The following FGF14 variants were observed in gnomAD, a reference collection of about 807,000 sequenced individuals.
FGF14 encodes fibroblast growth factor 14.
A neutral mutation model predicts 25.5 loss-of-function variants in FGF14; 5 were observed. The ratio of observed to expected loss-of-function variants is 0.20; its 90% CI spans 0.10 to 0.41. The LOEUF is 0.41. Ranked by LOEUF, FGF14 falls within the 10% of genes least tolerant of loss-of-function variation. The pLI is 1.00. For synonymous variants in FGF14, 138 were observed against 118.3 expected (o/e 1.17, Z -1.08); for missense variants, 222 against 320.1 (o/e 0.69, Z 2.34).
chr13:102,158,157 A>C (rs893743500), intron 1 of FGF14, among the ~76,000 whole-genome samples: 45 of 152,184 alleles, frequency 3.0e-4, no homozygotes, highest in African/African-American at 8.7e-4. Context: ...TTGACCCAGC[A>C]ATCCCTTACT....
intron 1 of FGF14, among the ~76,000 whole-genome samples, chr13:102,001,942 C>G (rs2039520234): frequency 6.6e-6 from 1 of 152,170 alleles, no homozygotes; most frequent in Admixed American, 6.5e-5. Flanking sequence ...ATCTACACCT[C>G]CTGGGACCAT....
chr13:101,854,992 C>A (rs1440597527), intron 3 of FGF14, among the ~76,000 whole-genome samples: 2 of 151,890 alleles, frequency 1.3e-5, no homozygotes, highest in Admixed American at 1.3e-4. Context: ...GTACCCTTCC[C>A]ATTGTGTAGG....
At chr13:101,734,066 T>C (rs1272514980) in intron 3 of FGF14, among the ~76,000 whole-genome samples, 2 of 152,008 alleles carry the variant, frequency 1.3e-5, no homozygotes, top group African/African-American at 4.8e-5. Context: ...ACATTTAAAA[T>C]GTGGTATTCA....
intron 1 of FGF14, among the ~76,000 whole-genome samples, chr13:102,187,985 G>A (rs1244481035): frequency 4.6e-5 from 7 of 152,274 alleles, no homozygotes; most frequent in Non-Finnish European, 7.4e-5. Context: ...CACCTAAGAA[G>A]CTGATTTATT....
intron 1 of FGF14, among the ~76,000 whole-genome samples, chr13:102,308,220 G>C (rs550912295): frequency 1.9e-4 from 29 of 152,096 alleles, no homozygotes; most frequent in Non-Finnish European, 3.7e-4. Flanking sequence ...ATTGGCAGAG[G>C]GTGGGCTGCA....
At chr13:102,219,020 T>A (rs1434577303) in intron 1 of FGF14, among the ~76,000 whole-genome samples, 1 of 152,200 alleles carries the variant, frequency 6.6e-6, no homozygotes, top group African/African-American at 2.4e-5. Context: ...AATAATCACA[T>A]ATCACATCAG....
At chr13:101,981,040 C>T (rs2038218297) in intron 1 of FGF14, among the ~76,000 whole-genome samples, 1 of 149,994 alleles carries the variant, frequency 6.7e-6, no homozygotes, top group Admixed American at 6.7e-5. Context: ...TCAGGAGTTT[C>T]AGACCAGCCT....
At chr13:102,243,750 A>G (rs2051722244) in intron 1 of FGF14, among the ~76,000 whole-genome samples, 1 of 150,956 alleles carries the variant, frequency 6.6e-6, no homozygotes, top group African/African-American at 2.4e-5. Flanking sequence ...ATAAGTGTTT[A>G]GCCTGGTAAC....
chr13:102,114,935 T>C (rs116476167), intron 1 of FGF14, among the ~76,000 whole-genome samples: 2,248 of 152,202 alleles, frequency 0.015, 48 homozygotes, highest in African/African-American at 0.049. Flanking sequence ...TAATTATATA[T>C]TGAACACTCA....
At chr13:102,286,514 A>G (rs1199338841) in intron 1 of FGF14, among the ~76,000 whole-genome samples, 2 of 152,224 alleles carry the variant, frequency 1.3e-5, no homozygotes, top group Non-Finnish European at 2.9e-5. Context: ...ATGTAGTATT[A>G]CTTCTCTCTA....
Position 102,161,570 on chromosome 13 carries a change from A to AAGAAGAAGAAAGAAG in FGF14, c.208+239900_208+239901insCTTCTTTCTTCTTCT. On this transcript the variant is annotated intron_variant, in intron 1 of 4. Coordinates refer to the FGF14 transcript ENST00000376131. ...TCTATGCAACCAACTTTCTGTGAAG[A>AAGAAGAAGAAAGAAG]AAGAAAGAAGAAGAAGAAGAAGAAG... Among the ~76,000 whole-genome samples the AAGAAGAAGAAAGAAG allele has an allele frequency of 8.8e-4, 5 of 5,652 alleles. 2 individuals carry two copies. Among genetic ancestry groups the AAGAAGAAGAAAGAAG allele is most frequent in the South Asian group, 0.016 (2 of 124 alleles). 3.7% of individuals were successfully genotyped at this position (5,652 alleles called of 152,430 possible). A position where few individuals can be genotyped will look rare whatever the true frequency, so the allele number is the denominator to read the frequency against.
intron 1 of FGF14, among the ~76,000 whole-genome samples, chr13:102,340,021 G>C (rs1416001051): frequency 6.6e-6 from 1 of 152,128 alleles, no homozygotes; most frequent in East Asian, 1.9e-4. Context: ...CTAGTGTTTG[G>C]ATAAGAGATT....
At chr13:102,049,123 T>A (rs182145261) in intron 1 of FGF14, among the ~76,000 whole-genome samples, 94 of 150,172 alleles carry the variant, frequency 6.3e-4, no homozygotes, top group Non-Finnish European at 1.2e-3. Flanking sequence ...AGGAAAATTT[T>A]AGGAAAAAAA....
intron 1 of FGF14, among the ~76,000 whole-genome samples, chr13:102,354,902 T>C (rs1369842889): frequency 6.7e-6 from 1 of 149,512 alleles, no homozygotes. Flanking sequence ...AGACCTAGTT[T>C]GAGTTACCTT....
chr13:102,346,510 G>A (rs974654182), intron 1 of FGF14, among the ~76,000 whole-genome samples: 11 of 152,024 alleles, frequency 7.2e-5, no homozygotes, highest in Non-Finnish European at 1.3e-4. Context: ...ATGGAACTCT[G>A]TTTACTGACA....
chr13:101,962,261 A>G (rs922863216), intron 1 of FGF14, among the ~76,000 whole-genome samples: 1 of 152,134 alleles, frequency 6.6e-6, no homozygotes, highest in African/African-American at 2.4e-5. Context: ...CTCTCCTTGA[A>G]GAGGTGCTTC....
intron 1 of FGF14, among the ~76,000 whole-genome samples, chr13:102,369,803 G>A (rs1012923133): frequency 6.6e-6 from 1 of 152,146 alleles, no homozygotes; most frequent in Non-Finnish European, 1.5e-5. Context: ...ACATTGTGTT[G>A]TATATAAGGT....
intron 3 of FGF14, among the ~76,000 whole-genome samples, chr13:101,797,735 ATGTG>A (rs1555384521): frequency 0.022 from 762 of 34,032 alleles, 7 homozygotes; most frequent in African/African-American, 0.037. Context: ...TCATGAATTG[ATGTG>A]TGTGTGTGTG....
At chr13:102,097,775 C>T (rs2044470220) in intron 1 of FGF14, among the ~76,000 whole-genome samples, 2 of 152,178 alleles carry the variant, frequency 1.3e-5, no homozygotes, top group Admixed American at 6.5e-5. Context: ...TCAGACAATA[C>T]TCTGAGGAGT....
Sources: allele counts gnomAD v4.1 joint callset (sites outside exome capture counted in the v4.1 genomes callset), GRCh38; gene constraint gnomAD v4.1.1; transcripts MANE v1.5; gene names NCBI Gene and HGNC (gene_info 2026-07-23, HGNC 2026-07-21).